PDE11A: variants seen among roughly 807,000 people sequenced by gnomAD.
PDE11A encodes the protein phosphodiesterase 11A, also known as dual 3',5'-cyclic-AMP and -GMP phosphodiesterase 11A.
A neutral mutation model predicts 100.5 loss-of-function variants in PDE11A; 100 were observed. The observed-to-expected ratio is 1.00, with a 90% CI of 0.85 to 1.18. The LOEUF is 1.18. Ranked by LOEUF, PDE11A falls within the 50% of genes most tolerant of loss-of-function variation. The pLI is 0.00. For synonymous variants in PDE11A, 381 were observed against 420.8 expected, an observed-to-expected ratio of 0.91 and a Z score of 1.16; for missense variants, 1,141 against 1,152.6, an observed-to-expected ratio of 0.99 and a Z score of 0.15.
chr2:177,853,758 ATATATG>A (rs1423589880), intron 5 of PDE11A, among the ~76,000 whole-genome samples: 1 of 22,348 alleles, frequency 4.5e-5, no homozygotes, highest in Non-Finnish European at 1.3e-4. Context: ...ATATATATCT[ATATATG>A]TATATATATC....
At chr2:178,082,890 C>A (rs1233380596) in intron 2 of PDE11A, among the ~76,000 whole-genome samples, 1 of 152,010 alleles carries the variant, frequency 6.6e-6, no homozygotes, top group Non-Finnish European at 1.5e-5. Context: ...AGAGAGTTAG[C>A]CAGGGAGAAA....
At chr2:177,651,752 A>G (rs1377290001) in intron 19 of PDE11A, among the ~76,000 whole-genome samples, 1 of 152,132 alleles carries the variant, frequency 6.6e-6, no homozygotes, top group Non-Finnish European at 1.5e-5. Flanking sequence ...CGATGATGAT[A>G]TATTGAATCA....
intron 9 of PDE11A, among the ~76,000 whole-genome samples, chr2:177,786,737 G>A (rs1396260664): frequency 6.6e-6 from 1 of 152,172 alleles, no homozygotes; most frequent in African/African-American, 2.4e-5. Flanking sequence ...ACTACGTGAA[G>A]AATGCAGAAG....
intron 12 of PDE11A, among the ~76,000 whole-genome samples, chr2:177,727,298 G>A (rs2081614288): frequency 1.3e-5 from 2 of 152,058 alleles, no homozygotes; most frequent in Admixed American, 1.3e-4. Flanking sequence ...CTTTCCACCA[G>A]CCAAGAGAGT....
chr2:177,637,995 ATATT>A (rs1418789067), intron 19 of PDE11A, among the ~76,000 whole-genome samples: 755 of 54,094 alleles, frequency 0.014, 28 homozygotes, highest in African/African-American at 0.042. Context: ...ATATATATAT[ATATT>A]TTTTTTTTTT....
chr2:177,958,549 C>G (rs549799564), intron 2 of PDE11A, among the ~76,000 whole-genome samples: 2 of 152,292 alleles, frequency 1.3e-5, no homozygotes, highest in African/African-American at 4.8e-5. Flanking sequence ...CATGGAATAT[C>G]ATTCTTGCAT....
At chr2:178,047,432 C>T (rs1351772683) in intron 1 of PDE11A, among the ~76,000 whole-genome samples, 1 of 149,010 alleles carries the variant, frequency 6.7e-6, no homozygotes. Flanking sequence ...CACTGCACTA[C>T]AGCCTGGGCC....
intron 5 of PDE11A, among the ~76,000 whole-genome samples, chr2:177,854,194 T>C (rs1306033879): frequency 6.6e-6 from 1 of 151,980 alleles, no homozygotes; most frequent in Admixed American, 6.6e-5. Flanking sequence ...ACATGGCTTA[T>C]TATCATGGAA....
At chr2:177,838,677 G>A (rs930068147) in intron 6 of PDE11A, among the ~76,000 whole-genome samples, 7 of 152,154 alleles carry the variant, frequency 4.6e-5, no homozygotes, top group African/African-American at 9.7e-5. Context: ...TTTGGAGTTC[G>A]ATGGCCTACA....
chr2:178,099,164 G>A (rs532174207), intron 2 of PDE11A, among the ~76,000 whole-genome samples: 3 of 152,294 alleles, frequency 2.0e-5, no homozygotes, highest in African/African-American at 7.2e-5. Flanking sequence ...AGTGGCCCAC[G>A]CCTGTAATCC....
chr2:177,900,619 G>A (rs1334685468), intron 3 of PDE11A, among the ~76,000 whole-genome samples: 2 of 152,114 alleles, frequency 1.3e-5, no homozygotes, highest in Admixed American at 6.5e-5. Flanking sequence ...TTAGCCAGGT[G>A]TGGTAGTGCA....
rs59322282 is a variant in PDE11A, at chr2:178,003,188, A to G, written c.1071+11114T>C. On this transcript the variant is annotated intron_variant, in intron 2 of 19. Transcript: ENST00000286063. ...GAGTTATTTTATGACCCAACAATTCAATTCCTAGGTATATATCCAAGAGAA... is the reference window on the plus strand; with the variant it reads ...GAGTTATTTTATGACCCAACAATTCGATTCCTAGGTATATATCCAAGAGAA... Among the ~76,000 whole-genome samples the G allele has an allele frequency of 7.7e-3, 1,179 of 152,254 alleles. 8 individuals carry two copies. Among genetic ancestry groups the G allele is most frequent in the African/African-American group, 0.027 (1,128 of 41,574 alleles).
chr2:177,804,910 T>C (rs2082846995), intron 9 of PDE11A, among the ~76,000 whole-genome samples: 1 of 151,766 alleles, frequency 6.6e-6, no homozygotes, highest in Admixed American at 6.6e-5. Flanking sequence ...AGTAGATTAA[T>C]AGACATGGAA....
intron 5 of PDE11A, among the ~76,000 whole-genome samples, chr2:177,870,129 G>A (rs370031520): frequency 1.3e-5 from 2 of 152,156 alleles, no homozygotes; most frequent in Non-Finnish European, 2.9e-5. Flanking sequence ...TAGGTGACCC[G>A]TGTAGATGTA....
chr2:177,997,026 AAC>A (rs2086084566), intron 2 of PDE11A, among the ~76,000 whole-genome samples: 1 of 152,238 alleles, frequency 6.6e-6, no homozygotes, highest in South Asian at 2.1e-4. Context: ...CCTTGGATAC[AAC>A]CATGGTCTGT....
rs115468350 is a variant in PDE11A at position 177,779,760 on chromosome 2, G to A, written c.1738-10387C>T. On this transcript the variant is annotated intron_variant, in intron 9 of 19. Transcript: ENST00000286063. ...TGAAGTCTTAAACCCTTCAAATTCA[G>A]ACATGAGGGTTAGAGTCAACTTCTT... Among the ~76,000 whole-genome samples, 943 of 152,260 alleles carry A rather than the reference G, an allele frequency of 6.2e-3. 4 individuals carry two copies. The highest frequency in any genetic ancestry group is 0.022 in the African/African-American group (898 of 41,532).
intron 9 of PDE11A, among the ~76,000 whole-genome samples, chr2:177,791,272 T>C (rs2082627130): frequency 6.6e-6 from 1 of 150,918 alleles, no homozygotes; most frequent in Non-Finnish European, 1.5e-5. Flanking sequence ...TCATTCTCAG[T>C]AAACTATCAC....
At chr2:177,822,667 A>G (rs751239971) in intron 6 of PDE11A, among the ~76,000 whole-genome samples, 19 of 152,070 alleles carry the variant, frequency 1.2e-4, no homozygotes, top group Admixed American at 7.2e-4. Context: ...TTTTGAATCT[A>G]TCTGTTTGGG....
At chr2:177,870,880 G>A (rs1323196876) in intron 5 of PDE11A, among the ~76,000 whole-genome samples, 3 of 152,154 alleles carry the variant, frequency 2.0e-5, no homozygotes, top group African/African-American at 7.2e-5. Context: ...ATATGCTCAT[G>A]AAGCAAATAC....
Sources: gnomAD v4.1 joint callset for allele counts (sites outside exome capture counted in the v4.1 genomes callset) on GRCh38, gnomAD v4.1.1 for gene constraint, MANE v1.5 for transcripts, NCBI Gene and HGNC (gene_info 2026-07-23, HGNC 2026-07-21) for gene names.